The following GRID2 variants were observed in gnomAD, a reference collection of about 807,000 sequenced individuals.
GRID2 encodes glutamate ionotropic receptor delta type subunit 2.
GRID2 carries 33 observed loss-of-function variants against 114.8 expected under a neutral mutation model. The observed-to-expected ratio is 0.29, with a 90% confidence interval of 0.22 to 0.38. The LOEUF is 0.38. Among genes scored for constraint, GRID2 ranks in the 10% least tolerant of loss-of-function variants. The pLI is 1.00. For missense variants in GRID2, 1,184 were observed against 1,257.7 expected, an observed-to-expected ratio of 0.94 and a Z score of 0.89; for synonymous variants, 505 against 449.9, an observed-to-expected ratio of 1.12 and a Z score of -1.55.
intron 13 of GRID2, among the ~76,000 whole-genome samples, chr4:93,594,682 A>T (rs1470586314): frequency 6.6e-6 from 1 of 151,940 alleles, no homozygotes; most frequent in African/African-American, 2.4e-5. Flanking sequence ...TTGATCTCAG[A>T]CTGCTGTGCT....
chr4:93,533,231 GCCCT>G (rs1731631570), intron 13 of GRID2, among the ~76,000 whole-genome samples: 1 of 148,560 alleles, frequency 6.7e-6, no homozygotes, highest in African/African-American at 2.5e-5. Flanking sequence ...ATCTTGTAGG[GCCCT>G]TTCTTTCTCT....
intron 1 of GRID2, among the ~76,000 whole-genome samples, chr4:92,469,687 T>C (rs749346620): frequency 1.3e-5 from 2 of 151,132 alleles, no homozygotes; most frequent in Non-Finnish European, 3.0e-5. Context: ...GGCATAAAAA[T>C]AGGAAAAGAC....
chr4:92,359,200 G>A (rs906082765), intron 1 of GRID2, among the ~76,000 whole-genome samples: 1 of 151,848 alleles, frequency 6.6e-6, no homozygotes, highest in Admixed American at 6.6e-5. Context: ...TCACCAACAT[G>A]TAGTGTTCTC....
intron 3 of GRID2, among the ~76,000 whole-genome samples, chr4:93,086,492 T>G (rs1472706107): frequency 1.3e-5 from 2 of 152,216 alleles, no homozygotes; most frequent in Non-Finnish European, 2.9e-5. Flanking sequence ...GGAGAGCAAG[T>G]GGCAGTTACA....
At chr4:93,595,141 C>T (rs939291433) in intron 13 of GRID2, among the ~76,000 whole-genome samples, 1 of 152,166 alleles carries the variant, frequency 6.6e-6, no homozygotes, top group Admixed American at 6.5e-5. Flanking sequence ...ACCTCCAGGC[C>T]TCTATCTTGT....
chr4:92,536,214 G>A (rs1315752293), intron 1 of GRID2, among the ~76,000 whole-genome samples: 2 of 151,748 alleles, frequency 1.3e-5, no homozygotes, highest in Non-Finnish European at 1.5e-5. Flanking sequence ...TTTTGACAGA[G>A]TGCTGATTGG....
intron 4 of GRID2, among the ~76,000 whole-genome samples, chr4:93,140,160 C>CTTTTCTT (rs1553994960): frequency 3.1e-5 from 4 of 128,266 alleles, no homozygotes; most frequent in Admixed American, 8.5e-5. Context: ...CTTTTCTTTT[C>CTTTTCTT]TTTTTTTTTT....
At chr4:93,200,613 T>A (rs1464087571) in intron 4 of GRID2, among the ~76,000 whole-genome samples, 1 of 152,148 alleles carries the variant, frequency 6.6e-6, no homozygotes, top group Non-Finnish European at 1.5e-5. Context: ...CATATACATT[T>A]GTGTCATATA....
At chr4:93,225,075 AC>A (rs1389058962) in intron 7 of GRID2, among the ~76,000 whole-genome samples, 3 of 152,174 alleles carry the variant, frequency 2.0e-5, no homozygotes, top group Admixed American at 6.6e-5. Flanking sequence ...GTCGCAAAAT[AC>A]AAAAGGCTTT....
chr4:92,938,910 C>G (rs1340478148), intron 2 of GRID2, among the ~76,000 whole-genome samples: 1 of 147,024 alleles, frequency 6.8e-6, no homozygotes, highest in Non-Finnish European at 1.5e-5. Context: ...TTTTTTATGG[C>G]TGCATAGTAT....
In GRID2 at chr4:93,360,311, G is replaced by C. The variant is rs184675731; in HGVS notation, c.1246-35296G>C. Among the ~76,000 whole-genome samples the C allele has an allele frequency of 7.2e-5, 11 of 151,734 alleles. No individual in the cohort carries two copies. The East Asian group carries it at 2.1e-3, about 29-fold the overall frequency. ...TTATGTATTCCATTCTCTATCTTGC[G>C]AAATAATGTATTCTAACCTTTCCAG... On this transcript the variant is annotated intron_variant, in intron 8 of 15. Transcript: ENST00000282020.
chr4:93,315,671 T>C (rs1756501569), intron 8 of GRID2, among the ~76,000 whole-genome samples: 1 of 152,172 alleles, frequency 6.6e-6, no homozygotes, highest in Non-Finnish European at 1.5e-5. Flanking sequence ...TGACACATTG[T>C]AGGCACTTAA....
intron 2 of GRID2, among the ~76,000 whole-genome samples, chr4:93,068,736 TTTCTA>T (rs1470243027): frequency 3.9e-5 from 6 of 152,068 alleles, no homozygotes; most frequent in Non-Finnish European, 8.8e-5. Context: ...CTTTACCTCT[TTTCTA>T]TTCTGCGGGG....
intron 13 of GRID2, among the ~76,000 whole-genome samples, chr4:93,560,343 C>A (rs994381091): frequency 6.0e-5 from 9 of 149,228 alleles, no homozygotes; most frequent in Non-Finnish European, 1.2e-4. Flanking sequence ...ATGGCACTCA[C>A]AACTGCTTAT....
intron 8 of GRID2, among the ~76,000 whole-genome samples, chr4:93,354,944 T>A (rs903787122): frequency 1.3e-5 from 2 of 150,400 alleles, no homozygotes; most frequent in African/African-American, 4.9e-5. Context: ...TGTGTGAAAC[T>A]GAGCTTATTT....
At chr4:92,892,866 T>A (rs558353443) in intron 2 of GRID2, among the ~76,000 whole-genome samples, 46 of 152,194 alleles carry the variant, frequency 3.0e-4, no homozygotes, top group Non-Finnish European at 7.3e-5. Flanking sequence ...AAATTAATTT[T>A]ATTTGTTAAA....
At chr4:92,617,063 A>G (rs1730037141) in intron 2 of GRID2, among the ~76,000 whole-genome samples, 1 of 151,362 alleles carries the variant, frequency 6.6e-6, no homozygotes, top group South Asian at 2.1e-4. Context: ...TGTTGGGAAC[A>G]TTCAATATCC....
intron 1 of GRID2, among the ~76,000 whole-genome samples, chr4:92,421,071 T>C (rs1400331275): frequency 6.6e-6 from 1 of 152,124 alleles, no homozygotes; most frequent in African/African-American, 2.4e-5. Context: ...TTTTGTTTTT[T>C]TCAGTTCCAT....
chr4:93,482,863 A>G (rs953078969), intron 11 of GRID2, among the ~76,000 whole-genome samples: 1 of 151,930 alleles, frequency 6.6e-6, no homozygotes, highest in Non-Finnish European at 1.5e-5. Flanking sequence ...TAGCTTGCAA[A>G]TGGGTTCAAT....
Sources: gnomAD v4.1 joint callset for allele counts (sites outside exome capture counted in the v4.1 genomes callset) on GRCh38, gnomAD v4.1.1 for gene constraint, MANE v1.5 for transcripts, NCBI Gene and HGNC (gene_info 2026-07-23, HGNC 2026-07-21) for gene names.